The following GTF3C6 variants were observed in gnomAD, a reference collection of about 807,000 sequenced individuals.
GTF3C6 encodes the protein general transcription factor IIIC subunit 6, also known as general transcription factor 3C polypeptide 6.
GTF3C6 carries 11 observed loss-of-function variants against 19.2 expected under a neutral mutation model. The observed-to-expected ratio is 0.57, with a 90% CI of 0.36 to 0.95. The LOEUF (loss-of-function observed/expected upper bound fraction) is 0.95, where lower values mean the gene tolerates loss of function less well. GTF3C6 is among the 40% of genes least tolerant of loss of function. The pLI, the probability that GTF3C6 is intolerant of heterozygous loss-of-function variation, is 0.01. For missense variants in GTF3C6, 222 were observed against 254.7 expected, an observed-to-expected ratio of 0.87 and a Z score of 0.87; for synonymous variants, 87 against 84.2, an observed-to-expected ratio of 1.03 and a Z score of -0.18.
At chr6:110,961,964 A>G (rs9372276) in intron 4 of GTF3C6, among the ~76,000 whole-genome samples, 37,551 of 151,280 alleles carry the variant, frequency 0.25, 5,368 homozygotes, top group East Asian at 0.65. Flanking sequence ...GTGCAGTGGC[A>G]CAATCTCTGC....
intron 2 of GTF3C6, among the ~76,000 whole-genome samples, 175 bp downstream of exon 2, chr6:110,959,427 T>C (rs1432258236): frequency 6.6e-6 from 1 of 152,218 alleles, no homozygotes; most frequent in Non-Finnish European, 1.5e-5. Flanking sequence ...TTAAGTATAA[T>C]GTAGAAGTAC....
At chr6:110,959,799 A>G (rs1250807872) in intron 2 of GTF3C6, among the ~76,000 whole-genome samples, 1 of 152,114 alleles carries the variant, frequency 6.6e-6, no homozygotes, top group African/African-American at 2.4e-5. Context: ...CTCTACTGAA[A>G]TACAAAAATT....
Position 110,958,802 on chromosome 6 carries a change from G to A in GTF3C6, c.33G>A (p.Glu11=), listed in dbSNP as rs943051559. 3.1e-5 allele frequency: 48 copies of A among 1,551,142 alleles called. No homozygotes were observed. The highest frequency in any genetic ancestry group is 7.8e-5 in the Admixed American group (4 of 50,970). The change falls in exon 1 of 6, where the codon GAG becomes GAA. Residue 11 remains glutamate, a synonymous_variant. Transcript: ENST00000329970. MAAAADERSP[E]DGEDEEEEEQ... ...CGGCGGCGGACGAGCGGAGTCCAGA[G>A]GACGGAGAAGACGAGGAAGAGGAGG...
At chr6:110,958,909 C>A in intron 1 of GTF3C6, 83 bp downstream of exon 1, 1 of 1,445,522 alleles carries the variant, frequency 6.9e-7, no homozygotes, top group Non-Finnish European at 9.4e-7. Context: ...AGTTGGGGAG[C>A]TGCGGGCCGG....
chr6:110,960,976 G>A (rs188709439), intron 4 of GTF3C6, among the ~76,000 whole-genome samples: 32 of 152,014 alleles, frequency 2.1e-4, no homozygotes, highest in Admixed American at 1.9e-3. Context: ...AACCTGGGAG[G>A]TGGAGGTTGC....
intron 5 of GTF3C6, among the ~76,000 whole-genome samples, chr6:110,963,996 CT>C (rs1771196881): frequency 1.3e-5 from 2 of 152,126 alleles, no homozygotes; most frequent in South Asian, 2.1e-4. Flanking sequence ...GCCACCGCCC[CT>C]GGCCAAAAGC....
At chr6:110,966,000 T>C (rs918729985) in intron 5 of GTF3C6, among the ~76,000 whole-genome samples, 3 of 152,206 alleles carry the variant, frequency 2.0e-5, no homozygotes, top group Non-Finnish European at 2.9e-5. Context: ...TAAAATGGCT[T>C]ATTCATATGG....
At position 110,958,796 on chromosome 6, in the gene GTF3C6, T is replaced by C; in HGVS notation, c.27T>C (p.Ser9=). 3 of 1,550,662 alleles carry C rather than the reference T, an allele frequency of 1.9e-6. No homozygotes were observed. Among genetic ancestry groups the C allele is most frequent in the East Asian group, 2.4e-5 (1 of 40,956 alleles). The change falls in exon 1 of 6, where the codon AGT becomes AGC. Residue 9 remains serine, a synonymous_variant. Transcript: ENST00000329970. ...TGGCGGCGGCGGCGGACGAGCGGAG[T>C]CCAGAGGACGGAGAAGACGAGGAAG... MAAAADER[S]PEDGEDEEEE...
In GTF3C6 at chr6:110,960,575, C is replaced by G. The variant is rs770920052; in HGVS notation, c.206C>G (p.Thr69Ser). Residue 69 changes from threonine (T) to serine (S), a missense_variant, in exon 4 of 6, where the codon ACT becomes AGT. Thr to Ser is a moderately conservative substitution (Grantham distance 58, BLOSUM62 1). Coordinates refer to ENST00000329970, the MANE Select transcript of GTF3C6 (RefSeq NM_138408.4). ...TTGCCTTTGTATTTTTCTGCAGACA[C>G]TCTAGGGACCTGTGTTATATTTGAA... ...SCVFAGEYED[T>S]LGTCVIFEEN... 8.7e-6 allele frequency: 14 copies of G among 1,613,550 alleles called. No individual in the cohort carries two copies. Among genetic ancestry groups the G allele is most frequent in the African/African-American group, 1.3e-5 (1 of 74,880 alleles).
chr6:110,960,520 T>C, intron 3 of GTF3C6, 43 bp downstream of exon 3: 1 of 1,609,272 alleles, frequency 6.2e-7, no homozygotes, highest in Non-Finnish European at 8.5e-7. Context: ...TGATATGGGC[T>C]TTTCAGAGAT....
At chr6:110,959,510 A>G (rs373222449) in intron 2 of GTF3C6, among the ~76,000 whole-genome samples, 4 of 152,152 alleles carry the variant, frequency 2.6e-5, no homozygotes, top group Admixed American at 6.6e-5. Flanking sequence ...GGCTGAAGAG[A>G]AAGTTACAGA....
In GTF3C6 at chr6:110,958,771, TGGC is replaced by T. The variant is rs531916846; in HGVS notation, c.14_16del (p.Ala5?). 1.1e-5 allele frequency: 17 copies of T among 1,549,234 alleles called. No homozygotes were observed. Among genetic ancestry groups the T allele is most frequent in the South Asian group, 6.0e-5 (5 of 83,922 alleles). On this transcript the variant is annotated start_lost and inframe_deletion, in exon 1 of 6. Coordinates refer to ENST00000329970, the MANE Select transcript of GTF3C6 (RefSeq NM_138408.4). The stretch of plus-strand genomic sequence containing the variant: ...TAGAAGGCGAGGCGCCGCGGGACCA[TGGC>T]GGCGGCGGCGGACGAGCGGAGTCCA...
chr6:110,962,963 T>C (rs1054172637), intron 5 of GTF3C6, among the ~76,000 whole-genome samples: 3 of 152,058 alleles, frequency 2.0e-5, no homozygotes, highest in Admixed American at 6.6e-5. Context: ...ATTTTTAGTA[T>C]AGACGGGGTT....
chr6:110,961,275 C>T (rs554653233), intron 4 of GTF3C6, among the ~76,000 whole-genome samples: 37 of 151,684 alleles, frequency 2.4e-4, no homozygotes, highest in African/African-American at 8.9e-4. Flanking sequence ...CTCAGCCTCC[C>T]GAGTAGCTGG....
intron 4 of GTF3C6, among the ~76,000 whole-genome samples, chr6:110,962,188 G>C (rs771924808): frequency 1.3e-5 from 2 of 152,144 alleles, no homozygotes; most frequent in African/African-American, 2.4e-5. Flanking sequence ...ACAGGTGTGA[G>C]CCACCGTGCC....
Position 110,960,550 on chromosome 6 carries a change from TTGCCTTTG to T in GTF3C6, c.203-20_203-13del. ...AGAGATGGTAGCTCTTCTCAACAAT[TTGCCTTTG>T]TATTTTTCTGCAGACACTCTAGGGA... On this transcript the variant is annotated splice_polypyrimidine_tract_variant and intron_variant, in intron 3 of 5. Coordinates refer to ENST00000329970, the MANE Select transcript of GTF3C6 (RefSeq NM_138408.4). The T allele has an allele frequency of 6.2e-7, 1 of 1,613,334 alleles. No individual in the cohort carries two copies. The highest frequency in any genetic ancestry group is 8.5e-7 in the Non-Finnish European group (1 of 1,179,318).
At chr6:110,959,137 C>T (rs772836071) in intron 1 of GTF3C6, 35 bp from the exon 2 acceptor site, 1 of 1,458,142 alleles carries the variant, frequency 6.9e-7, no homozygotes, top group Non-Finnish European at 9.6e-7. Flanking sequence ...TGGCCGCTCG[C>T]GTGCTAGCAT....
intron 5 of GTF3C6, among the ~76,000 whole-genome samples, chr6:110,963,110 A>C (rs1292610932): frequency 6.6e-6 from 1 of 151,652 alleles, no homozygotes; most frequent in East Asian, 1.9e-4. Context: ...TAGAGACCGG[A>C]TTTTACCGTG....
In GTF3C6 at chr6:110,967,470, T is replaced by C. The variant is rs773763050; in HGVS notation, c.362-40T>C. 1.1e-5 allele frequency: 17 copies of C among 1,531,406 alleles called. No individual in the cohort carries two copies. In the Middle Eastern group the frequency reaches 9.0e-4, roughly 81 times the overall value. The allele number at this position is 1,531,406 out of a possible 1,614,324, so 94.9% of individuals were successfully genotyped here. On this transcript the variant is annotated intron_variant, in intron 5 of 5. Transcript: ENST00000329970. The stretch of plus-strand genomic sequence containing the variant: ...GAAAAATATACTAAAATTCATTTTT[T>C]GTTTCTTTTTTTGTTTATTCCTCAT...
Sources: gnomAD v4.1 joint callset for allele counts (sites outside exome capture counted in the v4.1 genomes callset) on GRCh38, gnomAD v4.1.1 for gene constraint, MANE v1.5 for transcripts, NCBI Gene and HGNC (gene_info 2026-07-23, HGNC 2026-07-21) for gene names.